RNF220: variants seen among roughly 807,000 people sequenced by gnomAD.
RNF220 encodes the protein ring finger protein 220, also known as E3 ubiquitin-protein ligase RNF220.
RNF220 carries 7 observed loss-of-function variants against 67.1 expected under a neutral mutation model. That is an observed-to-expected ratio of 0.10 (90% CI 0.06 to 0.20). The LOEUF (loss-of-function observed/expected upper bound fraction) is 0.20, where lower values mean the gene tolerates loss of function less well. Ranked by LOEUF, RNF220 falls within the 10% of genes least tolerant of loss-of-function variation. The probability of loss-of-function intolerance (pLI) is 1.00; values close to 1 mark genes in which losing one functional copy is unlikely to be tolerated. For missense variants in RNF220, 565 were observed against 740.3 expected (o/e 0.76, Z 2.75); for synonymous variants, 270 against 283.2 (o/e 0.95, Z 0.47).
chr1:44,467,355 G>A (rs534549048), intron 2 of RNF220, among the ~76,000 whole-genome samples: 6 of 152,334 alleles, frequency 3.9e-5, no homozygotes, highest in Admixed American at 6.5e-5. Context: ...GGGATTACAG[G>A]CATGCGCCAC....
At chr1:44,482,726 A>C (rs1655930286) in intron 2 of RNF220, among the ~76,000 whole-genome samples, 2 of 151,646 alleles carry the variant, frequency 1.3e-5, no homozygotes, top group African/African-American at 4.9e-5. Context: ...GATTCCAGTG[A>C]TTCTCGTGCC....
chr1:44,614,985 G>A (rs1205606988), intron 3 of RNF220, among the ~76,000 whole-genome samples: 1 of 152,246 alleles, frequency 6.6e-6, no homozygotes, highest in Non-Finnish European at 1.5e-5. Flanking sequence ...GCTGATGTCT[G>A]CTCCATGATG....
At chr1:44,457,777 A>C (rs1222986567) in intron 2 of RNF220, among the ~76,000 whole-genome samples, 2 of 152,202 alleles carry the variant, frequency 1.3e-5, no homozygotes, top group Non-Finnish European at 1.5e-5. Flanking sequence ...AAAGTGGTAC[A>C]TCATAAAAAG....
intron 2 of RNF220, among the ~76,000 whole-genome samples, chr1:44,592,229 C>G (rs191046404): frequency 6.6e-6 from 1 of 152,346 alleles, no homozygotes; most frequent in African/African-American, 2.4e-5. Context: ...CCCGCAGCAC[C>G]ACTCTGTGCT....
At chr1:44,539,495 C>G (rs1661512491) in intron 2 of RNF220, among the ~76,000 whole-genome samples, 1 of 152,184 alleles carries the variant, frequency 6.6e-6, no homozygotes, top group Admixed American at 6.5e-5. Context: ...CAAGGATTCA[C>G]GTAGCCTGGA....
chr1:44,472,837 T>C (rs138192290), intron 2 of RNF220, among the ~76,000 whole-genome samples: 670 of 152,330 alleles, frequency 4.4e-3, no homozygotes, highest in Non-Finnish European at 6.5e-3. Context: ...TGCAGTGAGC[T>C]GGGCCAGCAG....
chr1:44,636,544 C>T, intron 8 of RNF220: 3 of 679,716 alleles, frequency 4.4e-6, no homozygotes, highest in Non-Finnish European at 8.3e-6. Context: ...ACCTGCTGTA[C>T]ACCTCCAGCA....
chr1:44,603,421 G>A (rs1667067181), intron 2 of RNF220, among the ~76,000 whole-genome samples: 1 of 152,210 alleles, frequency 6.6e-6, no homozygotes, highest in Non-Finnish European at 1.5e-5. Flanking sequence ...GCAGGCCAGA[G>A]CTCACCCAGG....
intron 2 of RNF220, among the ~76,000 whole-genome samples, chr1:44,588,479 TTTC>T (rs1665871026): frequency 6.6e-6 from 1 of 152,252 alleles, no homozygotes; most frequent in Non-Finnish European, 1.5e-5. Context: ...GATGATTTTA[TTTC>T]TTCTTTGCCT....
At chr1:44,538,303 T>G (rs922607875) in intron 2 of RNF220, among the ~76,000 whole-genome samples, 9 of 152,228 alleles carry the variant, frequency 5.9e-5, no homozygotes, top group African/African-American at 2.2e-4. Context: ...CTTTTCCGTC[T>G]GATTTACCCT....
At chr1:44,598,977 T>C (rs1260568733) in intron 2 of RNF220, among the ~76,000 whole-genome samples, 1 of 152,146 alleles carries the variant, frequency 6.6e-6, no homozygotes, top group Non-Finnish European at 1.5e-5. Flanking sequence ...TCTCTTTTTT[T>C]CCAGACATTC....
At chr1:44,583,239 C>G (rs1300580923) in intron 2 of RNF220, among the ~76,000 whole-genome samples, 1 of 149,878 alleles carries the variant, frequency 6.7e-6, no homozygotes, top group African/African-American at 2.5e-5. Context: ...TATACTTATA[C>G]AAAGATTCAT....
intron 2 of RNF220, among the ~76,000 whole-genome samples, chr1:44,546,663 G>C (rs890701517): frequency 6.6e-6 from 1 of 152,168 alleles, no homozygotes; most frequent in Non-Finnish European, 1.5e-5. Context: ...GCTTGCTTCA[G>C]AGTCATTGAT....
At chr1:44,584,688 TTTTG>T (rs1017258501) in intron 2 of RNF220, among the ~76,000 whole-genome samples, 10 of 152,106 alleles carry the variant, frequency 6.6e-5, no homozygotes, top group South Asian at 2.1e-4. Flanking sequence ...TCTTTTTGTT[TTTTG>T]TTTGTTTGTT....
intron 2 of RNF220, among the ~76,000 whole-genome samples, chr1:44,610,083 G>C (rs1170677876): frequency 6.6e-6 from 1 of 152,174 alleles, no homozygotes; most frequent in Non-Finnish European, 1.5e-5. Flanking sequence ...TCCGCGACTG[G>C]GGCGGTGGGG....
In RNF220 at chr1:44,416,203, T is replaced by A. The variant is rs554041109; in HGVS notation, c.625+3481T>A. ...GAAGCCATTCATGGAGGATGCATAA[T>A]TCCCCAGGAAGGAGACTGAGGTAAC... On this transcript the variant is annotated intron_variant, in intron 2 of 14. Transcript: ENST00000361799. Among the ~76,000 whole-genome samples, 4 of 152,322 alleles carry A rather than the reference T, an allele frequency of 2.6e-5. No homozygotes were observed. In the South Asian group the frequency reaches 6.2e-4, roughly 24 times the overall value.
At position 44,621,196 on chromosome 1, in the gene RNF220, G is replaced by A. The variant is rs923433143; in HGVS notation, c.759-1546G>A. On this transcript the variant is annotated intron_variant, in intron 3 of 14. Coordinates refer to ENST00000361799, the MANE Select transcript of RNF220 (RefSeq NM_018150.4). This position sits in a 1 kb window ranked among gnomAD's most constrained non-coding sequence, Gnocchi z 4.8. ...CTCACAAAGTGCTGGGATTATAGGC[G>A]TGAGCCACTGCACCGGACCATGCAT... 2.0e-5 allele frequency among the ~76,000 whole-genome samples: 3 copies of A among 152,178 alleles called. No homozygotes were observed. Among genetic ancestry groups the A allele is most frequent in the South Asian group, 2.1e-4 (1 of 4,822 alleles).
chr1:44,508,065 T>C (rs978673513), intron 2 of RNF220, among the ~76,000 whole-genome samples: 5 of 151,726 alleles, frequency 3.3e-5, no homozygotes, highest in Admixed American at 1.3e-4. Context: ...ACTTTTCCTC[T>C]CTTGTTTGGG....
chr1:44,643,056 G>C (rs949792179), intron 8 of RNF220: 1 of 152,470 alleles, frequency 6.6e-6, no homozygotes, highest in African/African-American at 2.4e-5. Flanking sequence ...TCAGCTTAAT[G>C]GCCCTGCTGC....
Sources: allele counts gnomAD v4.1 joint callset (sites outside exome capture counted in the v4.1 genomes callset), GRCh38; gene constraint gnomAD v4.1.1; non-coding constraint Gnocchi (gnomAD v3.1); transcripts MANE v1.5; gene names NCBI Gene and HGNC (gene_info 2026-07-23, HGNC 2026-07-21).